The following CDH13 variants were observed in gnomAD, a reference collection of about 807,000 sequenced individuals.
The protein encoded by CDH13 is cadherin-13.
In CDH13, 24 loss-of-function variants were observed where a neutral mutation model predicts 63.8. The ratio of observed to expected loss-of-function variants is 0.38; its 90% CI spans 0.27 to 0.53. The LOEUF (loss-of-function observed/expected upper bound fraction) is 0.53, where lower values mean the gene tolerates loss of function less well. Ranked by LOEUF, CDH13 falls within the 20% of genes least tolerant of loss-of-function variation. The probability of loss-of-function intolerance (pLI) is 0.85; values close to 1 mark genes in which losing one functional copy is unlikely to be tolerated. For synonymous variants in CDH13, 503 were observed against 355.3 expected, an observed-to-expected ratio of 1.42 and a Z score of -4.67; for missense variants, 1,049 against 903.1, an observed-to-expected ratio of 1.16 and a Z score of -2.07.
chr16:82,761,017 C>CTTTCTTTTTTTTTTTTTTTTTTTTT (rs2034820362), intron 1 of CDH13, among the ~76,000 whole-genome samples: 1 of 40,452 alleles, frequency 2.5e-5, no homozygotes, highest in African/African-American at 8.9e-5. Context: ...TTCTTTCTTT[C>CTTTCTTTTTTTTTTTTTTTTTTTTT]TTTTTTTTTT....
chr16:83,256,824 G>A (rs113332092), intron 5 of CDH13, among the ~76,000 whole-genome samples: 14,109 of 141,566 alleles, frequency 0.1, 756 homozygotes, highest in Non-Finnish European at 0.11. Flanking sequence ...CAGCCTGGGC[G>A]ACGGAGCGAG....
At chr16:82,834,228 G>C (rs1409529308) in intron 1 of CDH13, among the ~76,000 whole-genome samples, 2 of 152,116 alleles carry the variant, frequency 1.3e-5, no homozygotes, top group Non-Finnish European at 2.9e-5. Flanking sequence ...GAATTTAAAG[G>C]TCAACGCCTT....
At chr16:83,091,358 C>T (rs4782745) in intron 3 of CDH13, among the ~76,000 whole-genome samples, 2 of 151,738 alleles carry the variant, frequency 1.3e-5, no homozygotes, top group African/African-American at 2.4e-5. Flanking sequence ...TAGTAGGAGG[C>T]ATATTTTTCC....
chr16:83,563,323 C>G (rs745777091), intron 7 of CDH13, among the ~76,000 whole-genome samples: 1 of 152,136 alleles, frequency 6.6e-6, no homozygotes, highest in Non-Finnish European at 1.5e-5. Flanking sequence ...GTCATGGAAC[C>G]AGGATGGACT....
chr16:82,731,437 G>C (rs918907249), intron 1 of CDH13, among the ~76,000 whole-genome samples: 1 of 152,206 alleles, frequency 6.6e-6, no homozygotes, highest in African/African-American at 2.4e-5. Flanking sequence ...TTTTAAAAAT[G>C]TGTTGATTCT....
chr16:83,650,590 AT>A (rs1912279077), intron 8 of CDH13, among the ~76,000 whole-genome samples: 1 of 152,100 alleles, frequency 6.6e-6, no homozygotes, highest in Non-Finnish European at 1.5e-5. Flanking sequence ...GTCTGAACAC[AT>A]TTTTTATTGT....
intron 1 of CDH13, among the ~76,000 whole-genome samples, chr16:82,842,110 A>ATG (rs1227731781): frequency 3.4e-5 from 2 of 59,564 alleles, no homozygotes; most frequent in African/African-American, 6.9e-5. Flanking sequence ...ATATATATAT[A>ATG]TGTATATATA....
chr16:82,966,743 C>A (rs1894507497), intron 2 of CDH13, among the ~76,000 whole-genome samples: 1 of 152,112 alleles, frequency 6.6e-6, no homozygotes, highest in Non-Finnish European at 1.5e-5. Context: ...CTTAATGATT[C>A]CTCCCTCCCC....
Position 83,737,260 on chromosome 16 carries a change from A to C in CDH13, c.1539-10848A>C, listed in dbSNP as rs76398378. On this transcript the variant is annotated intron_variant, in intron 10 of 13. Transcript: ENST00000567109. The stretch of plus-strand genomic sequence containing the variant: ...TTATTAGTGAGCGCTGTTAGACTCA[A>C]GTTCCTTGATATCTACATCACAACT... Among the ~76,000 whole-genome samples, 889 of 152,284 alleles carry C rather than the reference A, an allele frequency of 5.8e-3. 2 individuals carry two copies. The highest frequency in any genetic ancestry group is 8.3e-3 in the Non-Finnish European group (564 of 68,028).
chr16:83,262,838 C>G (rs530753394), intron 5 of CDH13, among the ~76,000 whole-genome samples: 1 of 152,182 alleles, frequency 6.6e-6, no homozygotes, highest in Non-Finnish European at 1.5e-5. Context: ...TTTCTCCCAA[C>G]GCTTTTATGT....
intron 3 of CDH13, among the ~76,000 whole-genome samples, chr16:83,072,987 A>G (rs2032548738): frequency 6.6e-6 from 1 of 152,234 alleles, no homozygotes; most frequent in Non-Finnish European, 1.5e-5. Context: ...AGTTGCATTT[A>G]CTAGGATGTG....
At chr16:83,044,809 C>T (rs1040382482) in intron 3 of CDH13, among the ~76,000 whole-genome samples, 5 of 152,142 alleles carry the variant, frequency 3.3e-5, no homozygotes, top group Non-Finnish European at 4.4e-5. Flanking sequence ...CCAAGTGCAT[C>T]GCTGCAGCCA....
At chr16:83,482,808 T>G (rs1273994185) in intron 6 of CDH13, among the ~76,000 whole-genome samples, 3 of 152,200 alleles carry the variant, frequency 2.0e-5, no homozygotes, top group African/African-American at 7.2e-5. Flanking sequence ...ATCTGCACAC[T>G]AAGACCATGG....
rs1420693240 is a variant in CDH13, at chr16:83,549,201, T to C, written c.961-53253T>C. Among the ~76,000 whole-genome samples, 3 of 152,140 alleles carry C rather than the reference T, an allele frequency of 2.0e-5. 1 individual carries two copies. The highest frequency in any genetic ancestry group is 1.9e-4 in the East Asian group (1 of 5,156). On this transcript the variant is annotated intron_variant, in intron 7 of 13. Coordinates refer to ENST00000567109, the MANE Select transcript of CDH13 (RefSeq NM_001257.5). ...AGGACGCAGACAAGCTGTGATGGAG[T>C]CCTTGGGTCTCACCTGGGAGAGCCC...
chr16:82,913,428 G>A (rs557844154), intron 2 of CDH13, among the ~76,000 whole-genome samples: 143 of 152,186 alleles, frequency 9.4e-4, no homozygotes, highest in Non-Finnish European at 1.8e-3. Context: ...ATCTAGGTCT[G>A]ATACCTGCCC....
chr16:82,922,433 A>G (rs757770023), intron 2 of CDH13, among the ~76,000 whole-genome samples: 11 of 152,188 alleles, frequency 7.2e-5, no homozygotes, highest in Non-Finnish European at 1.0e-4. Context: ...AGATTAGTGT[A>G]TAGAAGTTTC....
At chr16:82,661,610 C>G (rs1191909997) in intron 1 of CDH13, among the ~76,000 whole-genome samples, 2 of 152,222 alleles carry the variant, frequency 1.3e-5, no homozygotes, top group Admixed American at 1.3e-4. Context: ...GGAGCCTGTG[C>G]AACTCCAAAA....
chr16:82,971,876 C>G (rs1360079958), intron 2 of CDH13, among the ~76,000 whole-genome samples: 3 of 152,184 alleles, frequency 2.0e-5, no homozygotes, highest in Non-Finnish European at 4.4e-5. Context: ...GGGACGGATT[C>G]TGCATGGCCT....
At chr16:82,699,048 G>A (rs2030675536) in intron 1 of CDH13, among the ~76,000 whole-genome samples, 1 of 152,030 alleles carries the variant, frequency 6.6e-6, no homozygotes, top group Non-Finnish European at 1.5e-5. Context: ...CCTAGTTTAA[G>A]AAGAAAAAAC....
Sources: allele counts gnomAD v4.1 joint callset (sites outside exome capture counted in the v4.1 genomes callset), GRCh38; gene constraint gnomAD v4.1.1; transcripts MANE v1.5; gene names NCBI Gene and HGNC (gene_info 2026-07-23, HGNC 2026-07-21).